FAM219A: variants seen among roughly 807,000 people sequenced by gnomAD.
FAM219A encodes the protein protein FAM219A.
FAM219A carries 7 observed loss-of-function variants against 23.4 expected under a neutral mutation model. The observed-to-expected ratio is 0.30, with a 90% confidence interval of 0.17 to 0.56. The LOEUF is 0.56. Ranked by LOEUF, FAM219A falls within the 20% of genes least tolerant of loss-of-function variation. The pLI is 0.92. For synonymous variants in FAM219A, 93 were observed against 99.0 expected (o/e 0.94, Z 0.36); for missense variants, 166 against 246.9 (o/e 0.67, Z 2.20).
intron 1 of FAM219A, among the ~76,000 whole-genome samples, chr9:34,439,137 C>A (rs530887468): frequency 4.6e-5 from 7 of 152,298 alleles, no homozygotes; most frequent in African/African-American, 1.7e-4. Flanking sequence ...AAACTCCGAA[C>A]ACATCTGAAC....
Position 34,420,990 on chromosome 9 carries a change from G to GTC in FAM219A, c.61-15027_61-15026insGA, listed in dbSNP as rs1427790506. 1.5e-3 allele frequency among the ~76,000 whole-genome samples: 194 copies of GTC among 133,772 alleles called. 3 individuals are homozygous for GTC. The highest frequency in any genetic ancestry group is 2.1e-3 in the Admixed American group (28 of 13,216). The allele number at this position is 133,772 out of a possible 152,430, so 87.8% of individuals were successfully genotyped here. A position where few individuals can be genotyped will look rare whatever the true frequency, so the allele number is the denominator to read the frequency against. ...GTGAAACTCGTGTGTGTGTGTGTGT[G>GTC]TATGTGTGTGTGTGTGTGTGAGAGA... On this transcript the variant is annotated intron_variant, in intron 1 of 5. Coordinates refer to ENST00000651358, the MANE Select transcript of FAM219A (RefSeq NM_001184940.2).
At position 34,458,537 on chromosome 9, in the gene FAM219A, C is replaced by T. The variant is rs1320551038; in HGVS notation, c.-274G>A. ...TGCCTCGCCTCCTACTCCGCTGCCG[C>T]CTCCTGTCAGCAGCTCAGCCACTGC... On this transcript the variant is annotated 5_prime_UTR_variant, in exon 1 of 6. Transcript: ENST00000651358. This position sits in a 1 kb window ranked among gnomAD's most constrained non-coding sequence, Gnocchi z 6.6. 1 of 378,302 alleles carries T rather than the reference C, an allele frequency of 2.6e-6. No individual in the cohort carries two copies. Among genetic ancestry groups the T allele is most frequent in the Non-Finnish European group, 4.8e-6 (1 of 208,682 alleles). 23.4% of individuals were successfully genotyped at this position (378,302 alleles called of 1,614,324 possible).
At chr9:34,424,744 C>G (rs577453396) in intron 1 of FAM219A, among the ~76,000 whole-genome samples, 1 of 152,364 alleles carries the variant, frequency 6.6e-6, no homozygotes, top group East Asian at 1.9e-4. Flanking sequence ...GTTCCACCAA[C>G]AGTGAACATC....
intron 1 of FAM219A, among the ~76,000 whole-genome samples, chr9:34,438,309 A>G (rs149792978): frequency 0.012 from 1,849 of 152,296 alleles, 28 homozygotes; most frequent in Non-Finnish European, 0.02. Flanking sequence ...CCCATCGACC[A>G]CACAAGGGCT....
At position 34,402,394 on chromosome 9, in the gene FAM219A, T is replaced by G; in HGVS notation, c.337A>C (p.Thr113Pro). The change falls in exon 4 of 6, where the codon ACG (threonine) becomes CCG (proline). Residue 113 changes from threonine (T) to proline (P), a missense_variant. This residue lies in a region of FAM219A where 72 missense variants were observed against 131.0 expected (regional missense o/e 0.55). Transcript: ENST00000651358. ...CCAAGCCCCCATACACACCTGTCCG[T>G]GTCAAGGGCTACCAGTGGCTTCTCA... Reference protein sequence around the residue: ...PDEKPLVALDTDSDDDFDMSR... With the variant: ...PDEKPLVALDPDSDDDFDMSR... The G allele has an allele frequency of 6.2e-7, 1 of 1,614,158 alleles. No individual in the cohort carries two copies. The highest frequency in any genetic ancestry group is 8.5e-7 in the Non-Finnish European group (1 of 1,180,006).
At chr9:34,442,692 A>G (rs1823224294) in intron 1 of FAM219A, among the ~76,000 whole-genome samples, 1 of 152,004 alleles carries the variant, frequency 6.6e-6, no homozygotes, top group Admixed American at 6.5e-5. Context: ...CTCAAAAAAA[A>G]AAAACAAAAA....
At chr9:34,408,911 A>T (rs1257612878) in intron 1 of FAM219A, among the ~76,000 whole-genome samples, 2 of 152,208 alleles carry the variant, frequency 1.3e-5, no homozygotes, top group Admixed American at 6.5e-5. Context: ...GAGTTCATCA[A>T]AGTTTCTTCT....
chr9:34,449,155 G>A (rs772733490), intron 1 of FAM219A, among the ~76,000 whole-genome samples: 7 of 152,028 alleles, frequency 4.6e-5, no homozygotes, highest in Non-Finnish European at 7.4e-5. Context: ...GCAACATGGC[G>A]AAACCCCATC....
chr9:34,442,811 A>G (rs1226657800), intron 1 of FAM219A, among the ~76,000 whole-genome samples: 1 of 152,170 alleles, frequency 6.6e-6, no homozygotes, highest in African/African-American at 2.4e-5. Flanking sequence ...AATGGTATTT[A>G]TGTTAAAGAT....
intron 1 of FAM219A, among the ~76,000 whole-genome samples, chr9:34,454,749 GC>G (rs909925390): frequency 2.0e-5 from 3 of 152,016 alleles, no homozygotes; most frequent in Non-Finnish European, 2.9e-5. Context: ...GTTCTGCCAC[GC>G]CCCCAGGCCT....
intron 1 of FAM219A, among the ~76,000 whole-genome samples, chr9:34,410,261 C>G (rs1444368175): frequency 1.3e-5 from 2 of 152,166 alleles, no homozygotes; most frequent in African/African-American, 4.8e-5. Context: ...AGCTGGCTGG[C>G]CTCACTTGTT....
At chr9:34,403,093 T>C (rs1821512327) in intron 2 of FAM219A, among the ~76,000 whole-genome samples, 1 of 152,134 alleles carries the variant, frequency 6.6e-6, no homozygotes, top group Non-Finnish European at 1.5e-5. Context: ...AGGGAAAGGC[T>C]GGCGGGGGAG....
At chr9:34,429,272 G>GAACT (rs1311892659) in intron 1 of FAM219A, among the ~76,000 whole-genome samples, 2 of 152,160 alleles carry the variant, frequency 1.3e-5, no homozygotes, top group Non-Finnish European at 2.9e-5. Context: ...CTTCAATAAG[G>GAACT]GACCCAGAAG....
intron 1 of FAM219A, among the ~76,000 whole-genome samples, chr9:34,445,614 C>CA (rs1365855917): frequency 2.6e-5 from 4 of 152,138 alleles, no homozygotes; most frequent in Non-Finnish European, 5.9e-5. Context: ...CAAGTATGGC[C>CA]AGCTTTGAGG....
chr9:34,433,569 A>T (rs1822790353), intron 1 of FAM219A, among the ~76,000 whole-genome samples: 3 of 152,164 alleles, frequency 2.0e-5, no homozygotes, highest in South Asian at 2.1e-4. Context: ...AGACCTTCTG[A>T]TAGCTCCTAC....
At chr9:34,452,288 C>T (rs970836708) in intron 1 of FAM219A, among the ~76,000 whole-genome samples, 10 of 152,142 alleles carry the variant, frequency 6.6e-5, no homozygotes, top group Non-Finnish European at 1.2e-4. Context: ...CTCACAACCC[C>T]AAGAATGTAG....
At chr9:34,433,845 T>C (rs1355425764) in intron 1 of FAM219A, among the ~76,000 whole-genome samples, 1 of 152,072 alleles carries the variant, frequency 6.6e-6, no homozygotes, top group Admixed American at 6.5e-5. Flanking sequence ...CAGAAGTGAA[T>C]CAAGTAGGAA....
chr9:34,440,418 T>A (rs1564014912), intron 1 of FAM219A, among the ~76,000 whole-genome samples: 1 of 152,042 alleles, frequency 6.6e-6, no homozygotes, highest in Non-Finnish European at 1.5e-5. Context: ...GCATGTACTG[T>A]ATTTGTCTGG....
intron 3 of FAM219A, 105 bp from the exon 4 acceptor site, chr9:34,402,572 C>T (rs1821487559): frequency 1.9e-6 from 3 of 1,564,658 alleles, no homozygotes; most frequent in Non-Finnish European, 2.6e-6. Flanking sequence ...CCCTCCCCAC[C>T]TTGGATCCTG....
Sources: allele counts gnomAD v4.1 joint callset (sites outside exome capture counted in the v4.1 genomes callset), GRCh38; gene constraint gnomAD v4.1.1; regional missense constraint gnomAD v4.1.1; non-coding constraint Gnocchi (gnomAD v3.1); transcripts MANE v1.5; gene names NCBI Gene and HGNC (gene_info 2026-07-23, HGNC 2026-07-21).